ARNT2: variants seen among roughly 807,000 people sequenced by gnomAD.
The protein encoded by ARNT2 is ARNT protein 2.
In ARNT2, 36 loss-of-function variants were observed where a neutral mutation model predicts 91.7. The ratio of observed to expected loss-of-function variants is 0.39; its 90% confidence interval spans 0.30 to 0.52. The LOEUF (loss-of-function observed/expected upper bound fraction) is 0.52, where lower values mean the gene tolerates loss of function less well. Among genes scored for constraint, ARNT2 ranks in the 20% least tolerant of loss-of-function variants. The pLI is 0.72. For missense variants in ARNT2, 775 were observed against 939.3 expected (o/e 0.83, Z 2.29); for synonymous variants, 365 against 347.1 (o/e 1.05, Z -0.57).
At chr15:80,417,512 C>T (rs545940381) in intron 1 of ARNT2, among the ~76,000 whole-genome samples, 1 of 151,794 alleles carries the variant, frequency 6.6e-6, no homozygotes, top group South Asian at 2.1e-4. Flanking sequence ...CTTCCCATCC[C>T]CCCTCTGCTT....
chr15:80,574,243 C>T (rs1484826824), intron 13 of ARNT2, 23 bp downstream of exon 13: 1 of 1,610,000 alleles, frequency 6.2e-7, no homozygotes, highest in Non-Finnish European at 8.5e-7. Context: ...AAAACCCTTT[C>T]CCTGTTGGAA....
At chr15:80,540,823 G>T (rs1897893158) in intron 8 of ARNT2, among the ~76,000 whole-genome samples, 1 of 152,072 alleles carries the variant, frequency 6.6e-6, no homozygotes, top group African/African-American at 2.4e-5. Context: ...CAGAGGACAT[G>T]ATTTCATTCT....
chr15:80,524,088 G>T (rs1231731067), intron 8 of ARNT2, among the ~76,000 whole-genome samples: 1 of 152,152 alleles, frequency 6.6e-6, no homozygotes, highest in African/African-American at 2.4e-5. Context: ...ACTTAATAGG[G>T]AGAAATGAGC....
chr15:80,565,185 A>AAAGTGCTG (rs1282889507), intron 12 of ARNT2, among the ~76,000 whole-genome samples: 2 of 152,162 alleles, frequency 1.3e-5, no homozygotes, highest in African/African-American at 2.4e-5. Flanking sequence ...TTGGCTTCCC[A>AAAGTGCTG]AAGTGCTGGG....
At chr15:80,584,579 G>A (rs575717582) in intron 17 of ARNT2, among the ~76,000 whole-genome samples, 2 of 152,184 alleles carry the variant, frequency 1.3e-5, no homozygotes, top group African/African-American at 2.4e-5. Context: ...AGAGCAGTCT[G>A]CCCCATTAAT....
intron 11 of ARNT2, among the ~76,000 whole-genome samples, chr15:80,559,521 G>A (rs1275222781): frequency 5.3e-5 from 8 of 152,236 alleles, no homozygotes; most frequent in African/African-American, 1.4e-4. Context: ...AGGTGGCTAC[G>A]TCAGCTAAGA....
chr15:80,459,647 G>A (rs887130653), intron 3 of ARNT2, among the ~76,000 whole-genome samples: 9 of 152,160 alleles, frequency 5.9e-5, no homozygotes, highest in Non-Finnish European at 1.0e-4. Flanking sequence ...GGTACAAAGA[G>A]CTCATTGTAT....
At chr15:80,585,663 G>A (rs1898882819) in intron 17 of ARNT2, among the ~76,000 whole-genome samples, 1 of 152,186 alleles carries the variant, frequency 6.6e-6, no homozygotes, top group Non-Finnish European at 1.5e-5. Context: ...TCAGTAGGGG[G>A]TGCAGATGGA....
chr15:80,567,823 G>T (rs1898514321), intron 12 of ARNT2, among the ~76,000 whole-genome samples: 1 of 152,196 alleles, frequency 6.6e-6, no homozygotes, highest in South Asian at 2.1e-4. Flanking sequence ...TGGTGAAGTT[G>T]GTTGGAAAAG....
chr15:80,529,929 G>A (rs1050142345), intron 8 of ARNT2, among the ~76,000 whole-genome samples: 2 of 152,136 alleles, frequency 1.3e-5, no homozygotes, highest in Non-Finnish European at 2.9e-5. Context: ...CTGAATTAAG[G>A]TTGTGCCTTG....
At chr15:80,579,281 G>C (rs903433687) in intron 15 of ARNT2, among the ~76,000 whole-genome samples, 1 of 152,212 alleles carries the variant, frequency 6.6e-6, no homozygotes, top group African/African-American at 2.4e-5. Context: ...TCAGGAAGGA[G>C]AATGGGAAAG....
At position 80,549,095 on chromosome 15, in the gene ARNT2, T is replaced by C. The variant is rs112248785; in HGVS notation, c.878-2104T>C. On this transcript the variant is annotated intron_variant, in intron 8 of 18. Coordinates refer to ENST00000303329, the MANE Select transcript of ARNT2 (RefSeq NM_014862.4). ...CAGTCCAAAATTAGACCCAAACATG[T>C]ATGGAAATTATATGATAAAGTTGGC... Among the ~76,000 whole-genome samples, 519 of 152,244 alleles carry C rather than the reference T, an allele frequency of 3.4e-3. 2 individuals carry two copies. Among genetic ancestry groups the C allele is most frequent in the African/African-American group, 0.012 (486 of 41,540 alleles).
At chr15:80,579,838 A>G (rs1898758994) in intron 15 of ARNT2, among the ~76,000 whole-genome samples, 1 of 152,216 alleles carries the variant, frequency 6.6e-6, no homozygotes, top group African/African-American at 2.4e-5. Context: ...TAATAAAGAC[A>G]AACTGAGTTA....
chr15:80,560,713 G>C (rs1467322335), intron 11 of ARNT2, among the ~76,000 whole-genome samples: 1 of 152,234 alleles, frequency 6.6e-6, no homozygotes, highest in African/African-American at 2.4e-5. Flanking sequence ...TGCAGACACA[G>C]AGAAGTCCCT....
intron 17 of ARNT2, among the ~76,000 whole-genome samples, chr15:80,585,935 G>T (rs1292834845): frequency 1.3e-5 from 2 of 152,216 alleles, no homozygotes; most frequent in East Asian, 3.8e-4. Context: ...CGCTGCACTC[G>T]CTGACAAAGG....
At chr15:80,583,585 A>G (rs1392348621) in intron 17 of ARNT2, among the ~76,000 whole-genome samples, 1 of 152,218 alleles carries the variant, frequency 6.6e-6, no homozygotes, top group African/African-American at 2.4e-5. Flanking sequence ...CTTAGTAGGT[A>G]CTTATTATAT....
At chr15:80,480,928 G>T (rs1896876641) in intron 5 of ARNT2, among the ~76,000 whole-genome samples, 1 of 152,172 alleles carries the variant, frequency 6.6e-6, no homozygotes, top group African/African-American at 2.4e-5. Flanking sequence ...TATGTGGGAT[G>T]CAGCTTACCT....
chr15:80,424,789 A>AT (rs200881067), intron 1 of ARNT2, among the ~76,000 whole-genome samples: 34 of 151,602 alleles, frequency 2.2e-4, no homozygotes, highest in African/African-American at 7.3e-4. Context: ...AAAAAAAAAA[A>AT]TAGGTAAACA....
intron 8 of ARNT2, among the ~76,000 whole-genome samples, chr15:80,541,102 A>G (rs990573845): frequency 1.3e-5 from 2 of 152,194 alleles, no homozygotes; most frequent in African/African-American, 4.8e-5. Context: ...TTACATTCCC[A>G]CCAACAGTGT....
Sources: allele counts gnomAD v4.1 joint callset (sites outside exome capture counted in the v4.1 genomes callset), GRCh38; gene constraint gnomAD v4.1.1; transcripts MANE v1.5; gene names NCBI Gene and HGNC (gene_info 2026-07-23, HGNC 2026-07-21).